Variants in FAM184B observed in about 807,000 individuals in gnomAD.
The protein encoded by FAM184B is protein FAM184B.
A neutral mutation model predicts 135.9 loss-of-function variants in FAM184B; 111 were observed. The observed-to-expected ratio is 0.82, with a 90% CI of 0.70 to 0.96. FAM184B has a LOEUF of 0.96. Among genes scored for constraint, FAM184B ranks in the 40% least tolerant of loss-of-function variants. The pLI, the probability that FAM184B is intolerant of heterozygous loss-of-function variation, is 0.00. For missense variants in FAM184B, 1,375 were observed against 1,323.9 expected (o/e 1.04, Z -0.60); for synonymous variants, 552 against 524.8 (o/e 1.05, Z -0.71).
chr4:17,660,190 C>T (rs892624303), intron 8 of FAM184B, 103 bp from the exon 9 acceptor site: 42 of 1,348,514 alleles, frequency 3.1e-5, no homozygotes, highest in Middle Eastern at 5.1e-4. Flanking sequence ...GAGAAAGCTC[C>T]GATAGCAGTT....
intron 1 of FAM184B, among the ~76,000 whole-genome samples, chr4:17,711,601 T>C (rs1384910905): frequency 6.6e-6 from 1 of 152,114 alleles, no homozygotes; most frequent in Admixed American, 6.5e-5. Flanking sequence ...AGATTGAGGC[T>C]ACAGTGAGCC....
intron 5 of FAM184B, among the ~76,000 whole-genome samples, 165 bp downstream of exon 5, chr4:17,704,835 A>T (rs1717070078): frequency 6.6e-6 from 1 of 152,244 alleles, no homozygotes; most frequent in South Asian, 2.1e-4. Context: ...GCTATCTATC[A>T]TAACTGTATG....
chr4:17,732,561 C>G (rs1354772199), intron 1 of FAM184B, among the ~76,000 whole-genome samples: 3 of 152,224 alleles, frequency 2.0e-5, no homozygotes, highest in African/African-American at 7.2e-5. Context: ...ATAAACACCT[C>G]TACACAGATA....
intron 13 of FAM184B, among the ~76,000 whole-genome samples, chr4:17,640,901 C>T (rs563723422): frequency 6.6e-6 from 1 of 152,312 alleles, no homozygotes; most frequent in East Asian, 1.9e-4. Context: ...CCATTGCACT[C>T]TACAACAGCC....
At chr4:17,718,592 G>C (rs1023522948) in intron 1 of FAM184B, among the ~76,000 whole-genome samples, 1 of 152,226 alleles carries the variant, frequency 6.6e-6, no homozygotes, top group Non-Finnish European at 1.5e-5. Flanking sequence ...GAACTTGGCT[G>C]TGTGACTTGC....
intron 13 of FAM184B, 61 bp from the exon 14 acceptor site, chr4:17,639,457 CTG>C (rs1715245108): frequency 2.0e-6 from 3 of 1,534,562 alleles, no homozygotes; most frequent in Admixed American, 2.0e-5. Flanking sequence ...CCCTTGGGCT[CTG>C]GGGTTTATTT....
chr4:17,696,938 T>C lies in FAM184B; in HGVS notation c.1378-3526A>G, dbSNP rs529308556. On this transcript the variant is annotated intron_variant, in intron 5 of 17. Coordinates refer to ENST00000265018, the MANE Select transcript of FAM184B (RefSeq NM_015688.2). ...GAGAGCAATCAGGAGTGTGCCTCTG[T>C]AGGGTCTTAAGAACCATGTTAAGGA... is the stretch of plus-strand genomic sequence containing the variant. 2.0e-5 allele frequency among the ~76,000 whole-genome samples: 3 copies of C among 152,318 alleles called. No individual in the cohort carries two copies. In the East Asian group the frequency reaches 5.8e-4, roughly 29 times the overall value.
rs1400820023 is a variant in FAM184B at position 17,636,573 on chromosome 4, C to T, written c.2739G>A (p.Leu913=). The T allele has an allele frequency of 2.8e-5, 43 of 1,551,018 alleles. No individual in the cohort carries two copies. The highest frequency in any genetic ancestry group is 3.7e-5 in the Non-Finnish European group (42 of 1,146,956). Residue 913 remains leucine, a synonymous_variant, in exon 15 of 18, where the codon CTG becomes CTA. Coordinates refer to ENST00000265018, the MANE Select transcript of FAM184B (RefSeq NM_015688.2). ...RPEDLQLIGR[L]QTRLKEREDI... Reference sequence around the variant, plus strand: ...CCTCTCTCTCCTTCAGGCGGGTCTGCAGGCGGCCAATGAGCTGAAGGTCCT... The same window carrying T: ...CCTCTCTCTCCTTCAGGCGGGTCTGTAGGCGGCCAATGAGCTGAAGGTCCT...
chr4:17,719,823 C>T (rs1359695070), intron 1 of FAM184B, among the ~76,000 whole-genome samples: 1 of 152,212 alleles, frequency 6.6e-6, no homozygotes, highest in Non-Finnish European at 1.5e-5. Context: ...AACTAATCCA[C>T]TCAAACAGCT....
At chr4:17,729,780 G>A (rs997207321) in intron 1 of FAM184B, among the ~76,000 whole-genome samples, 10 of 152,154 alleles carry the variant, frequency 6.6e-5, no homozygotes, top group Admixed American at 1.3e-4. Context: ...ACCATCATCA[G>A]AGACCAAAAG....
At chr4:17,749,281 G>T (rs1718242524) in intron 1 of FAM184B, among the ~76,000 whole-genome samples, 1 of 151,950 alleles carries the variant, frequency 6.6e-6, no homozygotes, top group Non-Finnish European at 1.5e-5. Context: ...GGCCAGAAAA[G>T]ATCAGAAACG....
chr4:17,654,613 C>T (rs1715739527), intron 10 of FAM184B, among the ~76,000 whole-genome samples: 1 of 152,224 alleles, frequency 6.6e-6, no homozygotes, highest in Non-Finnish European at 1.5e-5. Flanking sequence ...GGGCCCAAGC[C>T]CTTTCCACTC....
chr4:17,631,665 AT>A lies in FAM184B; in HGVS notation c.*866del, dbSNP rs1394990022. 1 of 152,208 alleles carries A rather than the reference AT, an allele frequency of 6.6e-6. No individual in the cohort carries two copies. Among genetic ancestry groups the A allele is most frequent in the Non-Finnish European group, 1.5e-5 (1 of 68,046 alleles). The allele number at this position is 152,208 out of a possible 1,614,324, so 9.4% of individuals were successfully genotyped here. A position where few individuals can be genotyped will look rare whatever the true frequency, so the allele number is the denominator to read the frequency against. ...CAAAGCCCTTTTAGAGGTGGGTGTT[AT>A]CCCATCTATAATCTGCTGCTTGTCT... On this transcript the variant is annotated 3_prime_UTR_variant, in exon 18 of 18. Coordinates refer to ENST00000265018, the MANE Select transcript of FAM184B (RefSeq NM_015688.2).
chr4:17,750,181 T>G (rs546427736), intron 1 of FAM184B, among the ~76,000 whole-genome samples: 22 of 152,364 alleles, frequency 1.4e-4, no homozygotes, highest in African/African-American at 5.0e-4. Flanking sequence ...AAACTGCTTT[T>G]GAAAATAGTC....
chr4:17,667,849 A>G (rs7667174), intron 7 of FAM184B, among the ~76,000 whole-genome samples: 141,841 of 152,292 alleles, frequency 0.93, 66,533 homozygotes, highest in Non-Finnish European at 1. Context: ...ACATGTCATT[A>G]TTGATCTACT....
intron 1 of FAM184B, among the ~76,000 whole-genome samples, chr4:17,753,883 G>A (rs571484195): frequency 6.6e-6 from 1 of 152,278 alleles, no homozygotes; most frequent in African/African-American, 2.4e-5. Context: ...TAGGACAATT[G>A]AAGTTGACCT....
intron 7 of FAM184B, among the ~76,000 whole-genome samples, chr4:17,683,204 G>T (rs1196721213): frequency 6.6e-6 from 1 of 152,144 alleles, no homozygotes; most frequent in Non-Finnish European, 1.5e-5. Flanking sequence ...TTTGTAACTT[G>T]CTGTGTTAGC....
intron 15 of FAM184B, 69 bp from the exon 16 acceptor site, chr4:17,635,182 A>T: frequency 4.7e-6 from 6 of 1,281,332 alleles, no homozygotes; most frequent in Non-Finnish European, 6.6e-6. Context: ...TTGAAGGAAG[A>T]TGGCTGTGAG....
In FAM184B at chr4:17,709,518, C is replaced by G; in HGVS notation, c.268G>C (p.Gly90Arg). 1 of 1,551,104 alleles carries G rather than the reference C, an allele frequency of 6.4e-7. No individual in the cohort carries two copies. Among genetic ancestry groups the G allele is most frequent in the Non-Finnish European group, 8.7e-7 (1 of 1,146,954 alleles). The change falls in exon 2 of 18, where the codon GGC becomes CGC. Residue 90 changes from glycine to arginine, a missense_variant. By Grantham distance (125) the Gly-to-Arg change is moderately radical (BLOSUM62 -2). Coordinates refer to ENST00000265018, the MANE Select transcript of FAM184B (RefSeq NM_015688.2). ...ETKARLLQEQ[G>R]CAEEEALLQR... ...AGAAGGGCTTCCTCCTCTGCGCAGC[C>G]CTGTTCCTGCAGGAGCCTGGCCTTG...
Sources: allele counts gnomAD v4.1 joint callset (sites outside exome capture counted in the v4.1 genomes callset), GRCh38; gene constraint gnomAD v4.1.1; transcripts MANE v1.5; gene names NCBI Gene and HGNC (gene_info 2026-07-23, HGNC 2026-07-21).